The following DYNLL2 variants were observed in gnomAD, a reference collection of about 807,000 sequenced individuals.
DYNLL2 encodes dynein light chain 2, cytoplasmic.
A neutral mutation model predicts 9.7 loss-of-function variants in DYNLL2; 1 was observed. The observed-to-expected ratio is 0.10, with a 90% CI of 0.04 to 0.49. The LOEUF (loss-of-function observed/expected upper bound fraction) is 0.49, where lower values mean the gene tolerates loss of function less well. Ranked by LOEUF, DYNLL2 falls within the 20% of genes least tolerant of loss-of-function variation. The pLI, the probability that DYNLL2 is intolerant of heterozygous loss-of-function variation, is 0.95. For synonymous variants in DYNLL2, 35 were observed against 40.5 expected, an observed-to-expected ratio of 0.86 and a Z score of 0.52; for missense variants, 37 against 115.2, an observed-to-expected ratio of 0.32 and a Z score of 3.11.
intron 1 of DYNLL2, among the ~76,000 whole-genome samples, chr17:58,084,041 G>A (rs1199552172): frequency 6.6e-6 from 1 of 152,022 alleles, no homozygotes; most frequent in Non-Finnish European, 1.5e-5. Context: ...GAGGGCTCGG[G>A]CGTGACGCGG....
rs1185333554 is a variant in DYNLL2, at chr17:58,092,979, C to G, written c.*3700C>G. The G allele has an allele frequency of 1.3e-5, 2 of 152,250 alleles. No individual in the cohort carries two copies. Among genetic ancestry groups the G allele is most frequent in the Non-Finnish European group, 2.9e-5 (2 of 68,058 alleles). The allele number at this position is 152,250 out of a possible 1,614,324, so 9.4% of individuals were successfully genotyped here. A position where few individuals can be genotyped will look rare whatever the true frequency, so the allele number is the denominator to read the frequency against. On this transcript the variant is annotated 3_prime_UTR_variant, in exon 3 of 3. Transcript: ENST00000579991. ...GTTATCCTTACCCAGTTTAATTCCA[C>G]GTAGCATCTGCCAACGCTTGACATA...
At position 58,093,727 on chromosome 17, in the gene DYNLL2, C is replaced by T. The variant is rs533301676; in HGVS notation, c.*4448C>T. The T allele has an allele frequency of 2.0e-5, 3 of 152,320 alleles. No homozygotes were observed. Among genetic ancestry groups the T allele is most frequent in the African/African-American group, 7.2e-5 (3 of 41,558 alleles). The allele number at this position is 152,320 out of a possible 1,614,324, so 9.4% of individuals were successfully genotyped here. A position where few individuals can be genotyped will look rare whatever the true frequency, so the allele number is the denominator to read the frequency against. On this transcript the variant is annotated 3_prime_UTR_variant, in exon 3 of 3. Transcript: ENST00000579991. ...CTAAGGATTAAGGAGCCACCTCTTCCTCCTTAAGGCCTTTGGGAGAGATGG... is the reference window on the plus strand; with the variant it reads ...CTAAGGATTAAGGAGCCACCTCTTCTTCCTTAAGGCCTTTGGGAGAGATGG...
Position 58,092,947 on chromosome 17 carries a change from CATCGCTGTTAT to C in DYNLL2, c.*3669_*3679del, listed in dbSNP as rs1362524354. Reference sequence around the variant, plus strand: ...CCTGTGCAAGATAGCACCTCTCCCCCATCGCTGTTATCCTTACCCAGTTTAATTCCACGTAG... The same window carrying C: ...CCTGTGCAAGATAGCACCTCTCCCCCCCTTACCCAGTTTAATTCCACGTAG... On this transcript the variant is annotated 3_prime_UTR_variant, in exon 3 of 3. Transcript: ENST00000579991. 2.0e-5 allele frequency: 3 copies of C among 152,254 alleles called. No individual in the cohort carries two copies. Among genetic ancestry groups the C allele is most frequent in the African/African-American group, 7.2e-5 (3 of 41,470 alleles). 9.4% of individuals were successfully genotyped at this position (152,254 alleles called of 1,614,324 possible). A position where few individuals can be genotyped will look rare whatever the true frequency, so the allele number is the denominator to read the frequency against.
intron 1 of DYNLL2, among the ~76,000 whole-genome samples, 199 bp downstream of exon 1, chr17:58,083,882 C>G (rs2075746444): frequency 6.6e-6 from 1 of 151,356 alleles, no homozygotes. Flanking sequence ...CCTCTCGGCG[C>G]AGCCCGGGCT....
chr17:58,085,631 G>A (rs2075757273), intron 1 of DYNLL2, among the ~76,000 whole-genome samples: 1 of 152,182 alleles, frequency 6.6e-6, no homozygotes, highest in African/African-American at 2.4e-5. Flanking sequence ...TGTCAGGCAC[G>A]TCCTGAGATT....
At position 58,090,033 on chromosome 17, in the gene DYNLL2, CT is replaced by C. The variant is rs954886962; in HGVS notation, c.*762del. On this transcript the variant is annotated 3_prime_UTR_variant, in exon 3 of 3. Transcript: ENST00000579991. ...ATGCTGGGGTAGGATTAGCTTGAAT[CT>C]TTTTTTTCTTTACATTTTTCTCCTG... The C allele has an allele frequency of 3.8e-5, 15 of 397,070 alleles. No individual in the cohort carries two copies. The highest frequency in any genetic ancestry group is 1.2e-3 in the Middle Eastern group (2 of 1,610). The allele number at this position is 397,070 out of a possible 1,614,324, so 24.6% of individuals were successfully genotyped here. A position where few individuals can be genotyped will look rare whatever the true frequency, so the allele number is the denominator to read the frequency against.
In DYNLL2 at chr17:58,094,442, T is replaced by C. The variant is rs2075791108; in HGVS notation, c.*5163T>C. 1 of 152,146 alleles carries C rather than the reference T, an allele frequency of 6.6e-6. No homozygotes were observed. Among genetic ancestry groups the C allele is most frequent in the Non-Finnish European group, 1.5e-5 (1 of 68,024 alleles). 9.4% of individuals were successfully genotyped at this position (152,146 alleles called of 1,614,324 possible). ...CACCACCAGCCTTCTCCCTCCCTGC[T>C]CAATTATACCCATGTTATAGGGAAG... On this transcript the variant is annotated 3_prime_UTR_variant, in exon 3 of 3. Coordinates refer to ENST00000579991, the MANE Select transcript of DYNLL2 (RefSeq NM_080677.3).
At chr17:58,085,420 G>C (rs754434489) in intron 1 of DYNLL2, among the ~76,000 whole-genome samples, 8 of 152,170 alleles carry the variant, frequency 5.3e-5, no homozygotes, top group Non-Finnish European at 8.8e-5. Context: ...ATATGTCCTT[G>C]AGCAGGCAGC....
In DYNLL2 at chr17:58,090,002, A is replaced by G. The variant is rs1016233957; in HGVS notation, c.*723A>G. ...TGTTCTTCCTGCCAGAGATCATGAC[A>G]GGAGGATGCTGGGGTAGGATTAGCT... On this transcript the variant is annotated 3_prime_UTR_variant, in exon 3 of 3. Transcript: ENST00000579991. 8 of 398,474 alleles carry G rather than the reference A, an allele frequency of 2.0e-5. No homozygotes were observed. Among genetic ancestry groups the G allele is most frequent in the African/African-American group, 1.0e-4 (5 of 48,722 alleles). 24.7% of individuals were successfully genotyped at this position (398,474 alleles called of 1,614,324 possible).
Position 58,093,169 on chromosome 17 carries a change from G to C in DYNLL2, c.*3890G>C, listed in dbSNP as rs903379968. 2.0e-5 allele frequency: 3 copies of C among 152,204 alleles called. No individual in the cohort carries two copies. The highest frequency in any genetic ancestry group is 7.2e-5 in the African/African-American group (3 of 41,452). The allele number at this position is 152,204 out of a possible 1,614,324, so 9.4% of individuals were successfully genotyped here. On this transcript the variant is annotated 3_prime_UTR_variant, in exon 3 of 3. Coordinates refer to ENST00000579991, the MANE Select transcript of DYNLL2 (RefSeq NM_080677.3). ...AATGAAAAAAGAAGGGTGCGAGCAA[G>C]CCTGGACAGGCCTGGTGCCCCAGGG... is the stretch of plus-strand genomic sequence containing the variant.
Position 58,090,121 on chromosome 17 carries a change from G to C in DYNLL2, c.*842G>C, listed in dbSNP as rs2075774756. On this transcript the variant is annotated 3_prime_UTR_variant, in exon 3 of 3. Coordinates refer to ENST00000579991, the MANE Select transcript of DYNLL2 (RefSeq NM_080677.3). The stretch of plus-strand genomic sequence containing the variant: ...CTGGAGTTCTCTTAGAGCAGCCCCT[G>C]TTGTTAGTTGGCTGGCAAGGGAATT... 1 of 390,102 alleles carries C rather than the reference G, an allele frequency of 2.6e-6. No individual in the cohort carries two copies. Among genetic ancestry groups the C allele is most frequent in the Non-Finnish European group, 4.5e-6 (1 of 221,266 alleles). 24.2% of individuals were successfully genotyped at this position (390,102 alleles called of 1,614,324 possible). A position where few individuals can be genotyped will look rare whatever the true frequency, so the allele number is the denominator to read the frequency against.
Position 58,087,100 on chromosome 17 carries a change from C to G in DYNLL2, c.10C>G (p.Arg4Gly). The change falls in exon 2 of 3, where the codon CGG (arginine) becomes GGG (glycine). Residue 4 changes from arginine (R) to glycine (G), a missense_variant. Physicochemically the swap from Arg to Gly is moderately radical, Grantham distance 125 (BLOSUM62 -2). Coordinates refer to ENST00000579991, the MANE Select transcript of DYNLL2 (RefSeq NM_080677.3). Reference sequence around the variant, plus strand: ...TCTGTAGTGTCACACCATGTCTGACCGGAAGGCAGTGATCAAGAACGCAGA... The same window carrying G: ...TCTGTAGTGTCACACCATGTCTGACGGGAAGGCAGTGATCAAGAACGCAGA... MSDRKAVIKNADMS... is the reference protein window; with the variant it reads MSDGKAVIKNADMS... 6.2e-7 allele frequency: 1 copy of G among 1,614,100 alleles called. No individual in the cohort carries two copies.
chr17:58,092,929 A>G lies in DYNLL2; in HGVS notation c.*3650A>G, dbSNP rs1388501819. On this transcript the variant is annotated 3_prime_UTR_variant, in exon 3 of 3. Transcript: ENST00000579991. Reference sequence around the variant, plus strand: ...AGAGAGGCTTTCTGACATCCTGTGCAAGATAGCACCTCTCCCCCATCGCTG... The same window carrying G: ...AGAGAGGCTTTCTGACATCCTGTGCGAGATAGCACCTCTCCCCCATCGCTG... 2.0e-5 allele frequency: 3 copies of G among 152,216 alleles called. No individual in the cohort carries two copies. Among genetic ancestry groups the G allele is most frequent in the Non-Finnish European group, 4.4e-5 (3 of 68,046 alleles). 9.4% of individuals were successfully genotyped at this position (152,216 alleles called of 1,614,324 possible).
In DYNLL2 at chr17:58,089,177, T is replaced by C; in HGVS notation, c.168T>C (p.Cys56=). 6.2e-7 allele frequency: 1 copy of C among 1,614,190 alleles called. No individual in the cohort carries two copies. The highest frequency in any genetic ancestry group is 8.5e-7 in the Non-Finnish European group (1 of 1,180,030). The stretch of plus-strand genomic sequence containing the variant: ...AGAAATATAACCCTACCTGGCATTG[T>C]ATCGTGGGCCGAAATTTTGGCAGCT... ...FDKKYNPTWH[C]IVGRNFGSYV... The change falls in exon 3 of 3, where the codon TGT becomes TGC. Residue 56 remains cysteine, a synonymous_variant. Coordinates refer to ENST00000579991, the MANE Select transcript of DYNLL2 (RefSeq NM_080677.3).
Position 58,094,761 on chromosome 17 carries a change from C to G in DYNLL2, c.*5482C>G, listed in dbSNP as rs539703929. The G allele has an allele frequency of 6.6e-6, 1 of 152,348 alleles. No homozygotes were observed. Among genetic ancestry groups the G allele is most frequent in the South Asian group, 2.1e-4 (1 of 4,824 alleles). The allele number at this position is 152,348 out of a possible 1,614,324, so 9.4% of individuals were successfully genotyped here. A position where few individuals can be genotyped will look rare whatever the true frequency, so the allele number is the denominator to read the frequency against. ...TCATGTACCCATTTGCAGTCACTTG[C>G]CATTCCCTCTTCTCCCCAGCCCTGG... is the stretch of plus-strand genomic sequence containing the variant. On this transcript the variant is annotated 3_prime_UTR_variant, in exon 3 of 3. Transcript: ENST00000579991.
rs895524265 is a variant in DYNLL2, at chr17:58,090,497, G to T, written c.*1218G>T. ...GCTTTAGGAGGACCACCCAGGACAGGATGACCATGCTGCCATCTGCTCTGG... is the reference window on the plus strand; with the variant it reads ...GCTTTAGGAGGACCACCCAGGACAGTATGACCATGCTGCCATCTGCTCTGG... On this transcript the variant is annotated 3_prime_UTR_variant, in exon 3 of 3. Transcript: ENST00000579991. 12 of 152,340 alleles carry T rather than the reference G, an allele frequency of 7.9e-5. No individual in the cohort carries two copies. The highest frequency in any genetic ancestry group is 2.9e-4 in the African/African-American group (12 of 41,506). The allele number at this position is 152,340 out of a possible 1,614,324, so 9.4% of individuals were successfully genotyped here.
chr17:58,084,137 G>T (rs59422680), intron 1 of DYNLL2, among the ~76,000 whole-genome samples: 1 of 151,978 alleles, frequency 6.6e-6, no homozygotes, highest in Admixed American at 6.5e-5. Flanking sequence ...CAGGCCGGGT[G>T]GGGGAGGGCG....
At chr17:58,087,052 G>C in intron 1 of DYNLL2, 30 bp from the exon 2 acceptor site, 1 of 1,609,570 alleles carries the variant, frequency 6.2e-7, no homozygotes, top group South Asian at 1.1e-5. Context: ...GCAAGGAGTT[G>C]TCAGCCTTAC....
At chr17:58,084,433 C>T (rs954968611) in intron 1 of DYNLL2, among the ~76,000 whole-genome samples, 2 of 152,112 alleles carry the variant, frequency 1.3e-5, no homozygotes, top group Non-Finnish European at 2.9e-5. Context: ...GCCCTTTGTG[C>T]TTTTCACAGG....
Sources: allele counts gnomAD v4.1 joint callset (sites outside exome capture counted in the v4.1 genomes callset), GRCh38; gene constraint gnomAD v4.1.1; transcripts MANE v1.5; gene names NCBI Gene and HGNC (gene_info 2026-07-23, HGNC 2026-07-21).